ANO3: variants seen among roughly 807,000 people sequenced by gnomAD.
ANO3 encodes anoctamin 3.
In ANO3, 99 loss-of-function variants were observed where a neutral mutation model predicts 144.8. The ratio of observed to expected loss-of-function variants is 0.68; its 90% confidence interval spans 0.58 to 0.81. ANO3 has a LOEUF of 0.81. ANO3 is among the 30% of genes least tolerant of loss of function. The pLI, the probability that ANO3 is intolerant of heterozygous loss-of-function variation, is 0.00. For synonymous variants in ANO3, 414 were observed against 392.6 expected, an observed-to-expected ratio of 1.05 and a Z score of -0.64; for missense variants, 905 against 1,202.2, an observed-to-expected ratio of 0.75 and a Z score of 3.66.
intron 1 of ANO3, among the ~76,000 whole-genome samples, chr11:26,281,871 C>T (rs1450163035): frequency 1.3e-5 from 2 of 152,094 alleles, no homozygotes; most frequent in African/African-American, 4.8e-5. Flanking sequence ...CTCCTCATCT[C>T]TTTTGGAATA....
intron 1 of ANO3, among the ~76,000 whole-genome samples, chr11:26,437,931 T>C (rs946331938): frequency 1.3e-5 from 2 of 152,184 alleles, no homozygotes; most frequent in Non-Finnish European, 2.9e-5. Flanking sequence ...TTTCTGGGAA[T>C]GAAAAGAGGA....
At chr11:26,200,982 T>G (rs1851682051) in intron 1 of ANO3, among the ~76,000 whole-genome samples, 1 of 152,180 alleles carries the variant, frequency 6.6e-6, no homozygotes, top group African/African-American at 2.4e-5. Flanking sequence ...ATTGCCTTTA[T>G]TTTATTTACT....
At chr11:26,286,163 T>C (rs923397837) in intron 1 of ANO3, 1 of 152,108 alleles carries the variant, frequency 6.6e-6, no homozygotes, top group African/African-American at 2.4e-5. Context: ...AATCCTGAAA[T>C]GACAAAGGGA....
Position 26,534,440 on chromosome 11 carries a change from C to G in ANO3, c.870-16C>G. 6.5e-7 allele frequency: 1 copy of G among 1,543,084 alleles called. No homozygotes were observed. Among genetic ancestry groups the G allele is most frequent in the Non-Finnish European group, 8.9e-7 (1 of 1,118,112 alleles). ...GTTCTGCTTTGAATATTAAACCAATCCCCTCATCTTAACAGCTTCATAATA... is the reference window on the plus strand; with the variant it reads ...GTTCTGCTTTGAATATTAAACCAATGCCCTCATCTTAACAGCTTCATAATA... On this transcript the variant is annotated splice_polypyrimidine_tract_variant and intron_variant, in intron 8 of 26. Transcript: ENST00000256737.
intron 1 of ANO3, among the ~76,000 whole-genome samples, chr11:26,342,730 AGAT>A (rs1855396705): frequency 6.6e-6 from 1 of 152,260 alleles, no homozygotes; most frequent in Non-Finnish European, 1.5e-5. Context: ...ATTAGATTAA[AGAT>A]GATCCATTCC....
chr11:26,632,308 A>G (rs1288836899), intron 18 of ANO3, among the ~76,000 whole-genome samples: 1 of 151,766 alleles, frequency 6.6e-6, no homozygotes, highest in Non-Finnish European at 1.5e-5. Flanking sequence ...AGCAGTCAGG[A>G]GTTCGAGACC....
intron 1 of ANO3, among the ~76,000 whole-genome samples, chr11:26,387,514 C>T (rs562942416): frequency 7.9e-5 from 12 of 151,786 alleles, no homozygotes; most frequent in African/African-American, 2.9e-4. Flanking sequence ...GTGAATTTCT[C>T]AAATACAATT....
chr11:26,240,192 T>TAGTA (rs1852632427), intron 1 of ANO3, among the ~76,000 whole-genome samples: 1 of 152,206 alleles, frequency 6.6e-6, no homozygotes, highest in African/African-American at 2.4e-5. Flanking sequence ...ATATTTCTGA[T>TAGTA]AGTACATAGT....
At chr11:26,208,133 G>A (rs1196508120) in intron 1 of ANO3, 1 of 152,092 alleles carries the variant, frequency 6.6e-6, no homozygotes. Context: ...GTCTATTCGT[G>A]AGATCTCTGC....
rs1379886849 is a variant in ANO3 at position 26,452,968 on chromosome 11, C to A, written c.313+9132C>A. Among the ~76,000 whole-genome samples, 4 of 152,174 alleles carry A rather than the reference C, an allele frequency of 2.6e-5. No individual in the cohort carries two copies. In the East Asian group the frequency reaches 5.8e-4, roughly 22 times the overall value. ...CAATTTTCAACCCAGAATTTCATATCCAGCTAAACTAAGCTTCATAAGTGA... is the reference window on the plus strand; with the variant it reads ...CAATTTTCAACCCAGAATTTCATATACAGCTAAACTAAGCTTCATAAGTGA... On this transcript the variant is annotated intron_variant, in intron 3 of 26. Transcript: ENST00000256737.
intron 16 of ANO3, 57 bp from the exon 17 acceptor site, chr11:26,599,492 CT>C: frequency 6.4e-7 from 1 of 1,554,310 alleles, no homozygotes; most frequent in Non-Finnish European, 8.8e-7. Context: ...TACGGTTTTG[CT>C]TTTGACTTGT....
chr11:26,338,722 C>T (rs548488858), intron 1 of ANO3, among the ~76,000 whole-genome samples: 2 of 151,540 alleles, frequency 1.3e-5, no homozygotes, highest in African/African-American at 2.4e-5. Flanking sequence ...CAACTCCAGA[C>T]GTGCCACCTT....
At chr11:26,586,888 A>G (rs368225766) in intron 14 of ANO3, among the ~76,000 whole-genome samples, 25 of 152,174 alleles carry the variant, frequency 1.6e-4, no homozygotes, top group African/African-American at 5.8e-4. Context: ...ATGCATGCCA[A>G]ACTTTTCACC....
chr11:26,267,465 T>C lies in ANO3; in HGVS notation c.155-42180T>C, dbSNP rs1405464462. Among the ~76,000 whole-genome samples the C allele has an allele frequency of 2.6e-5, 4 of 152,212 alleles. 1 individual carries two copies. In the South Asian group the frequency reaches 8.3e-4, roughly 31 times the overall value. Reference sequence around the variant, plus strand: ...ATTTTTATATGGATAATAAGGAAAATACATTTTTAAAATATTATCTGCTGC... The same window carrying C: ...ATTTTTATATGGATAATAAGGAAAACACATTTTTAAAATATTATCTGCTGC... On this transcript the variant is annotated intron_variant, in intron 1 of 27. Transcript: ENST00000672621.
At chr11:26,453,358 A>G (rs1310920188) in intron 3 of ANO3, among the ~76,000 whole-genome samples, 1 of 151,974 alleles carries the variant, frequency 6.6e-6, no homozygotes, top group African/African-American at 2.4e-5. Context: ...AGACACACAT[A>G]GGCTCAAAAT....
intron 11 of ANO3, 34 bp from the exon 12 acceptor site, chr11:26,547,382 T>A: frequency 6.2e-7 from 1 of 1,604,162 alleles, no homozygotes; most frequent in Non-Finnish European, 8.5e-7. Context: ...TTATGTTGCC[T>A]TAACTCAGTC....
chr11:26,383,888 C>CTTT (rs61094091), intron 1 of ANO3, among the ~76,000 whole-genome samples: 4,246 of 70,136 alleles, frequency 0.061, 1,463 homozygotes, highest in Middle Eastern at 0.074. Flanking sequence ...ATGCATTGTT[C>CTTT]TTTTTTTTTT....
rs569557171 is a variant in ANO3, at chr11:26,565,090, C to A, written c.1447+5311C>A. On this transcript the variant is annotated intron_variant, in intron 14 of 26. Coordinates refer to ENST00000256737, the MANE Select transcript of ANO3 (RefSeq NM_031418.4). ...TTCTGTTTTTCCAGCATGGTGATTC[C>A]TTAGACTTACTCTGCATGACTTATT... The A allele has an allele frequency of 3.5e-5, 49 of 1,396,160 alleles. No homozygotes were observed. In the East Asian group the frequency reaches 9.8e-4, roughly 28 times the overall value. The allele number at this position is 1,396,160 out of a possible 1,614,324, so 86.5% of individuals were successfully genotyped here.
intron 5 of ANO3, among the ~76,000 whole-genome samples, chr11:26,516,579 A>T (rs1188792624): frequency 2.0e-5 from 3 of 151,934 alleles, no homozygotes; most frequent in African/African-American, 7.2e-5. Context: ...GCAGGTTGAA[A>T]ATCATCAATG....
Sources: allele counts gnomAD v4.1 joint callset (sites outside exome capture counted in the v4.1 genomes callset), GRCh38; gene constraint gnomAD v4.1.1; transcripts MANE v1.5; gene names NCBI Gene and HGNC (gene_info 2026-07-23, HGNC 2026-07-21).